Variants in QRFPR observed in about 807,000 individuals in gnomAD.
QRFPR encodes the protein pyroglutamylated RFamide peptide receptor, also known as pyroglutamylated RF-amide peptide receptor.
QRFPR carries 37 observed loss-of-function variants against 31.3 expected under a neutral mutation model. The ratio of observed to expected loss-of-function variants is 1.18; its 90% CI spans 0.91 to 1.56. The LOEUF (loss-of-function observed/expected upper bound fraction) is 1.56. Ranked by LOEUF, QRFPR falls within the 40% of genes most tolerant of loss-of-function variation. The probability of loss-of-function intolerance (pLI) is 0.00; values close to 1 mark genes in which losing one functional copy is unlikely to be tolerated. For synonymous variants in QRFPR, 197 were observed against 192.0 expected, an observed-to-expected ratio of 1.03 and a Z score of -0.22; for missense variants, 542 against 532.5, an observed-to-expected ratio of 1.02 and a Z score of -0.18.
intron 1 of QRFPR, among the ~76,000 whole-genome samples, chr4:121,356,351 A>G (rs1725870424): frequency 6.6e-6 from 1 of 152,210 alleles, no homozygotes; most frequent in Non-Finnish European, 1.5e-5. Flanking sequence ...GAGCTTCCTC[A>G]GAACAGTTAT....
At chr4:121,365,558 A>G (rs145138547) in intron 1 of QRFPR, among the ~76,000 whole-genome samples, 1 of 5,168 alleles carries the variant, frequency 1.9e-4, no homozygotes, top group Non-Finnish European at 2.8e-4. Flanking sequence ...ATAATATATA[A>G]TATATATTAT....
intron 1 of QRFPR, among the ~76,000 whole-genome samples, chr4:121,377,735 G>A (rs1273590867): frequency 6.6e-6 from 1 of 151,996 alleles, no homozygotes; most frequent in East Asian, 1.9e-4. Flanking sequence ...TCATTTTGGG[G>A]CCATCTCCTA....
intron 1 of QRFPR, among the ~76,000 whole-genome samples, chr4:121,347,064 A>C (rs546822756): frequency 1.3e-5 from 2 of 152,226 alleles, no homozygotes; most frequent in East Asian, 3.9e-4. Flanking sequence ...TATTTCTTCC[A>C]ATTCTGTTTT....
chr4:121,361,272 A>T (rs1725986375), intron 1 of QRFPR, among the ~76,000 whole-genome samples: 2 of 150,220 alleles, frequency 1.3e-5, no homozygotes, highest in Non-Finnish European at 3.0e-5. Context: ...AGTCTTCAAT[A>T]GATAAAGCAG....
At chr4:121,358,621 T>G (rs1370257633) in intron 1 of QRFPR, among the ~76,000 whole-genome samples, 1 of 152,232 alleles carries the variant, frequency 6.6e-6, no homozygotes, top group Non-Finnish European at 1.5e-5. Flanking sequence ...TTGTGTTTTA[T>G]AGATGACTCA....
chr4:121,339,406 T>C (rs1725496353), intron 2 of QRFPR, among the ~76,000 whole-genome samples: 1 of 152,194 alleles, frequency 6.6e-6, no homozygotes, highest in African/African-American at 2.4e-5. Flanking sequence ...CCATTTATCA[T>C]GAGGTATGTG....
intron 1 of QRFPR, among the ~76,000 whole-genome samples, chr4:121,348,602 A>G (rs1236283290): frequency 6.6e-6 from 1 of 152,080 alleles, no homozygotes; most frequent in Non-Finnish European, 1.5e-5. Flanking sequence ...TATTTTGCAT[A>G]ATATTTTTCA....
chr4:121,354,698 G>C (rs1029279102), intron 1 of QRFPR, among the ~76,000 whole-genome samples: 12 of 151,908 alleles, frequency 7.9e-5, no homozygotes, highest in African/African-American at 2.7e-4. Context: ...TGTCATACAT[G>C]GTTTCTATCA....
At chr4:121,342,866 T>C (rs71602324) in intron 1 of QRFPR, among the ~76,000 whole-genome samples, 39,201 of 152,060 alleles carry the variant, frequency 0.26, 5,719 homozygotes, top group Non-Finnish European at 0.34. Flanking sequence ...AAAGTGCTTT[T>C]AAATTCCACT....
At chr4:121,365,025 G>C (rs1298669694) in intron 1 of QRFPR, among the ~76,000 whole-genome samples, 2 of 149,660 alleles carry the variant, frequency 1.3e-5, no homozygotes, top group Admixed American at 6.7e-5. Context: ...GTCTCCATGA[G>C]ACCTACTAGT....
chr4:121,365,211 T>G (rs1169703280), intron 1 of QRFPR, among the ~76,000 whole-genome samples: 1 of 147,820 alleles, frequency 6.8e-6, no homozygotes, highest in African/African-American at 2.5e-5. Context: ...TATAACTGAT[T>G]CCTAAAAAGC....
At chr4:121,378,482 G>A (rs751266311) in intron 1 of QRFPR, among the ~76,000 whole-genome samples, 3 of 147,400 alleles carry the variant, frequency 2.0e-5, no homozygotes, top group South Asian at 4.3e-4. Context: ...GCGTGATCTC[G>A]GCTCACTACA....
At chr4:121,353,798 T>G (rs922586121) in intron 1 of QRFPR, among the ~76,000 whole-genome samples, 1 of 152,066 alleles carries the variant, frequency 6.6e-6, no homozygotes, top group African/African-American at 2.4e-5. Flanking sequence ...AGATCAATGT[T>G]CTGGACTGTT....
chr4:121,343,890 T>C (rs532857346), intron 1 of QRFPR, among the ~76,000 whole-genome samples: 11 of 152,342 alleles, frequency 7.2e-5, no homozygotes, highest in African/African-American at 2.6e-4. Context: ...AATTGATTCA[T>C]TGATATCAGT....
Position 121,330,429 on chromosome 4 carries a change from AT to A in QRFPR, c.891del (p.Glu297AspfsTer16). On this transcript the variant is annotated frameshift_variant, in exon 5 of 6. Coordinates refer to ENST00000394427, the MANE Select transcript of QRFPR (RefSeq NM_198179.3). LOFTEE classifies it low-confidence loss of function (END_TRUNC). ...APFHVVHMMI[E>X]YSNFEKEYDD... Reference sequence around the variant, plus strand: ...AATGAGAATGACAAGCACTCACTGTATTCAATCATCATATGGACAACATGGA... The same window carrying A: ...AATGAGAATGACAAGCACTCACTGTATCAATCATCATATGGACAACATGGA... 6.3e-7 allele frequency: 1 copy of A among 1,599,788 alleles called. No individual in the cohort carries two copies.
chr4:121,379,513 T>C (rs192642723), intron 1 of QRFPR, among the ~76,000 whole-genome samples: 2 of 152,352 alleles, frequency 1.3e-5, no homozygotes, highest in African/African-American at 4.8e-5. Context: ...CAGGGCATTC[T>C]CCAGCTGTGT....
intron 1 of QRFPR, among the ~76,000 whole-genome samples, 195 bp downstream of exon 1, chr4:121,380,109 TAAGA>T (rs1245691856): frequency 3.3e-5 from 5 of 149,698 alleles, no homozygotes; most frequent in African/African-American, 1.2e-4. Flanking sequence ...GGCGAAGTTC[TAAGA>T]AAGAGCACCG....
intron 1 of QRFPR, among the ~76,000 whole-genome samples, chr4:121,360,023 G>A (rs953241961): frequency 3.9e-5 from 6 of 151,982 alleles, no homozygotes; most frequent in Non-Finnish European, 8.8e-5. Context: ...TTGAGCAACA[G>A]AGTTCCTCTA....
At chr4:121,365,557 A>ATTAT (rs368191683) in intron 1 of QRFPR, among the ~76,000 whole-genome samples, 1 of 13,378 alleles carries the variant, frequency 7.5e-5, no homozygotes, top group African/African-American at 4.5e-4. Flanking sequence ...TATAATATAT[A>ATTAT]ATATATATTA....
Sources: gnomAD v4.1 joint callset for allele counts (sites outside exome capture counted in the v4.1 genomes callset) on GRCh38, gnomAD v4.1.1 for gene constraint, MANE v1.5 for transcripts, NCBI Gene and HGNC (gene_info 2026-07-23, HGNC 2026-07-21) for gene names.